Variants in ASTN1 observed in about 807,000 individuals in gnomAD.
ASTN1 encodes astrotactin-1.
Under a neutral mutation model 140.7 loss-of-function variants are expected in ASTN1, and 41 were observed. The observed-to-expected ratio is 0.29, with a 90% confidence interval of 0.23 to 0.38. ASTN1 has a LOEUF of 0.38. Ranked by LOEUF, ASTN1 falls within the 10% of genes least tolerant of loss-of-function variation. ASTN1 has a pLI of 1.00. For synonymous variants in ASTN1, 640 were observed against 652.2 expected, an observed-to-expected ratio of 0.98 and a Z score of 0.29; for missense variants, 1,479 against 1,678.8, an observed-to-expected ratio of 0.88 and a Z score of 2.08.
At chr1:176,965,841 T>C (rs1571578369) in intron 8 of ASTN1, among the ~76,000 whole-genome samples, 1 of 152,342 alleles carries the variant, frequency 6.6e-6, no homozygotes, top group East Asian at 1.9e-4. Context: ...GGGTCTTTGA[T>C]AGGTTTCAGA....
chr1:176,990,088 G>T lies in ASTN1; in HGVS notation c.1523+24703C>A, dbSNP rs115530673. ...TGCTAATACTACCATTTTCAGCCTG[G>T]ATTTCCAACAAATGCAGTAAAAAGG... On this transcript the variant is annotated intron_variant, in intron 8 of 22. Coordinates refer to ENST00000361833, the MANE Select transcript of ASTN1 (RefSeq NM_004319.3). 5.0e-3 allele frequency among the ~76,000 whole-genome samples: 762 copies of T among 151,890 alleles called. 6 individuals carry two copies. Among genetic ancestry groups the T allele is most frequent in the African/African-American group, 0.018 (725 of 41,398 alleles).
rs57237203 is a variant in ASTN1 at position 176,867,919 on chromosome 1, T to TTTCCTTCCTTCCTTCC, written c.3647+909_3647+924dup. Among the ~76,000 whole-genome samples, 523 of 150,844 alleles carry TTTCCTTCCTTCCTTCC rather than the reference T, an allele frequency of 3.5e-3. 1 individual carries two copies. The highest frequency in any genetic ancestry group is 0.012 in the African/African-American group (484 of 41,142). ...GATTCTATAGTGTTGATTTTCTTCA[T>TTTCCTTCCTTCCTTCC]TTCCTTCCTTCCTTCCTTCCTTCCT... On this transcript the variant is annotated intron_variant, in intron 22 of 22. Transcript: ENST00000361833.
At chr1:177,035,556 C>T (rs1676673511) in intron 2 of ASTN1, among the ~76,000 whole-genome samples, 1 of 152,236 alleles carries the variant, frequency 6.6e-6, no homozygotes, top group South Asian at 2.1e-4. Context: ...ACGATACTCA[C>T]ATTTCAAGTT....
intron 22 of ASTN1, among the ~76,000 whole-genome samples, chr1:176,867,649 C>G (rs79408803): frequency 6.6e-6 from 1 of 152,180 alleles, no homozygotes; most frequent in Non-Finnish European, 1.5e-5. Context: ...CCTGCCAGAT[C>G]TTACACATAA....
rs74537746 is a variant in ASTN1 at position 177,088,075 on chromosome 1, G to A, written c.284-26810C>T. Among the ~76,000 whole-genome samples, 684 of 152,270 alleles carry A rather than the reference G, an allele frequency of 4.5e-3. 14 individuals carry two copies. The highest frequency in any genetic ancestry group is 0.029 in the Admixed American group (444 of 15,298). On this transcript the variant is annotated intron_variant, in intron 1 of 22. Coordinates refer to ENST00000361833, the MANE Select transcript of ASTN1 (RefSeq NM_004319.3). ...CTAATCTTTTTCTACCTTCAACTCC[G>A]GTGATAGTGATGGGGAACCAACTTC...
intron 13 of ASTN1, 150 bp from the exon 14 acceptor site, chr1:176,944,168 C>G: frequency 9.4e-7 from 1 of 1,064,492 alleles, no homozygotes; most frequent in East Asian, 2.7e-5. Flanking sequence ...ACCTCTGCCT[C>G]CAGGGTTCAA....
intron 17 of ASTN1, 28 bp from the exon 18 acceptor site, chr1:176,888,232 A>G (rs755246460): frequency 2.5e-6 from 4 of 1,612,344 alleles, no homozygotes. Flanking sequence ...GAAAAGATTG[A>G]GTGTTGAGAA....
intron 9 of ASTN1, 116 bp downstream of exon 9, chr1:176,965,047 G>C (rs564838691): frequency 1.0e-6 from 1 of 953,604 alleles, no homozygotes; most frequent in African/African-American, 1.6e-5. Flanking sequence ...GCAGGTGGTC[G>C]TGACAACTCA....
rs577097914 is a variant in ASTN1 at position 177,003,914 on chromosome 1, A to G, written c.1523+10877T>C. 2.6e-5 allele frequency among the ~76,000 whole-genome samples: 4 copies of G among 152,310 alleles called. No individual in the cohort carries two copies. The South Asian group carries it at 8.3e-4, about 32-fold the overall frequency. On this transcript the variant is annotated intron_variant, in intron 8 of 22. Transcript: ENST00000361833. Reference sequence around the variant, plus strand: ...AAGCATTATGCCTAAGAACTGGAACAAGACAAGTATTCCCACTTTCCCCAC... The same window carrying G: ...AAGCATTATGCCTAAGAACTGGAACGAGACAAGTATTCCCACTTTCCCCAC...
intron 11 of ASTN1, among the ~76,000 whole-genome samples, chr1:176,954,644 G>T (rs1308992410): frequency 6.6e-6 from 1 of 152,190 alleles, no homozygotes; most frequent in Non-Finnish European, 1.5e-5. Flanking sequence ...CCAGAAAACT[G>T]CTGCTCTTGT....
chr1:176,938,840 G>A lies in ASTN1; in HGVS notation c.2378-2470C>T, dbSNP rs552664983. Among the ~76,000 whole-genome samples, 24 of 152,306 alleles carry A rather than the reference G, an allele frequency of 1.6e-4. No homozygotes were observed. The South Asian group carries it at 1.7e-3, about 11-fold the overall frequency. ...TAAAAGTTCTTTGAGAAAGCTGGGCGTGGTGGCTCATGCCTATAATCCCAG... is the reference window on the plus strand; with the variant it reads ...TAAAAGTTCTTTGAGAAAGCTGGGCATGGTGGCTCATGCCTATAATCCCAG... On this transcript the variant is annotated intron_variant, in intron 14 of 22. Transcript: ENST00000361833.
At chr1:177,011,191 G>A (rs925519842) in intron 8 of ASTN1, among the ~76,000 whole-genome samples, 1 of 152,094 alleles carries the variant, frequency 6.6e-6, no homozygotes, top group African/African-American at 2.4e-5. Context: ...AGTTCCCTTT[G>A]CTTAGAATGA....
At chr1:176,968,466 A>G (rs1571582446) in intron 8 of ASTN1, among the ~76,000 whole-genome samples, 1 of 151,992 alleles carries the variant, frequency 6.6e-6, no homozygotes, top group African/African-American at 2.4e-5. Context: ...AAGCCCCGAC[A>G]CCCCACCTCC....
chr1:177,057,180 C>A (rs1166105736), intron 2 of ASTN1, among the ~76,000 whole-genome samples: 2 of 151,986 alleles, frequency 1.3e-5, no homozygotes, highest in Non-Finnish European at 2.9e-5. Context: ...AAAAATAATT[C>A]AAAAATTTTA....
At chr1:176,987,173 C>G (rs1306086697) in intron 8 of ASTN1, among the ~76,000 whole-genome samples, 1 of 152,114 alleles carries the variant, frequency 6.6e-6, no homozygotes, top group African/African-American at 2.4e-5. Flanking sequence ...GTTGAGAAAC[C>G]CTGATCTAAT....
At chr1:176,922,480 C>T (rs936606791) in intron 16 of ASTN1, among the ~76,000 whole-genome samples, 2 of 147,974 alleles carry the variant, frequency 1.4e-5, no homozygotes, top group African/African-American at 5.1e-5. Flanking sequence ...GATCCTGAGG[C>T]CAGGAGTTTG....
At chr1:177,049,265 C>T (rs1309141648) in intron 2 of ASTN1, among the ~76,000 whole-genome samples, 2 of 152,036 alleles carry the variant, frequency 1.3e-5, no homozygotes, top group Non-Finnish European at 2.9e-5. Context: ...ATGGGTGTGC[C>T]AATTGCTGTT....
chr1:177,151,400 T>C (rs1000452952), intron 1 of ASTN1, among the ~76,000 whole-genome samples: 15 of 151,242 alleles, frequency 9.9e-5, no homozygotes, highest in Non-Finnish European at 1.5e-5. Flanking sequence ...GTAGAAGGGA[T>C]GTGTGCAACT....
At chr1:176,893,223 C>G (rs1287455709) in intron 17 of ASTN1, among the ~76,000 whole-genome samples, 2 of 152,142 alleles carry the variant, frequency 1.3e-5, no homozygotes, top group African/African-American at 4.8e-5. Context: ...TGCTCCCAGG[C>G]AAGTGGCCCG....
Sources: gnomAD v4.1 joint callset for allele counts (sites outside exome capture counted in the v4.1 genomes callset) on GRCh38, gnomAD v4.1.1 for gene constraint, MANE v1.5 for transcripts, NCBI Gene and HGNC (gene_info 2026-07-23, HGNC 2026-07-21) for gene names.